The following CD226 variants were observed in gnomAD, a reference collection of about 807,000 sequenced individuals.
CD226 encodes the protein CD226 antigen.
In CD226, 24 loss-of-function variants were observed where a neutral mutation model predicts 34.9. The observed-to-expected ratio is 0.69, with a 90% CI of 0.50 to 0.97. CD226 has a LOEUF of 0.97. CD226 is among the 50% of genes least tolerant of loss of function. The pLI is 0.00. For synonymous variants in CD226, 148 were observed against 147.4 expected (o/e 1.00, Z -0.03); for missense variants, 397 against 412.7 (o/e 0.96, Z 0.33).
chr18:69,891,385 G>A (rs1254514179), intron 3 of CD226, among the ~76,000 whole-genome samples: 4 of 151,954 alleles, frequency 2.6e-5, no homozygotes, highest in African/African-American at 9.7e-5. Context: ...ATCATACCAA[G>A]TCATGTAAGA....
At chr18:69,889,427 C>G (rs759209700) in intron 3 of CD226, among the ~76,000 whole-genome samples, 1 of 151,624 alleles carries the variant, frequency 6.6e-6, no homozygotes, top group East Asian at 1.9e-4. Context: ...TGTCCACAAG[C>G]TTTATATCTA....
At chr18:69,922,464 C>A (rs955563658) in intron 2 of CD226, among the ~76,000 whole-genome samples, 1 of 152,024 alleles carries the variant, frequency 6.6e-6, no homozygotes, top group South Asian at 2.1e-4. Context: ...TATTTTCAAT[C>A]GAGCCACAGT....
At chr18:69,938,630 A>G (rs938628136) in intron 2 of CD226, among the ~76,000 whole-genome samples, 1 of 152,224 alleles carries the variant, frequency 6.6e-6, no homozygotes, top group Non-Finnish European at 1.5e-5. Context: ...CTTTTTCACT[A>G]AAATCATCAT....
chr18:69,958,729 TG>T (rs905424225), upstream of CD226, among the ~76,000 whole-genome samples: 8 of 151,360 alleles, frequency 5.3e-5, no homozygotes, highest in African/African-American at 2.0e-4. Flanking sequence ...TGATACAGGC[TG>T]GGGGGTTTTC....
At position 69,896,055 on chromosome 18, in the gene CD226, A is replaced by G. The variant is rs1288391434; in HGVS notation, c.383-10T>C. ...GCTGCCTCAAAACTATCTGAAAAGA[A>G]GAAGCAAATGATTAGATACAGGTTG... On this transcript the variant is annotated splice_polypyrimidine_tract_variant and intron_variant, in intron 2 of 5. Coordinates refer to ENST00000582621, the MANE Select transcript of CD226 (RefSeq NM_001303618.2). 1.3e-6 allele frequency: 2 copies of G among 1,599,724 alleles called. No individual in the cohort carries two copies. The highest frequency in any genetic ancestry group is 1.7e-6 in the Non-Finnish European group (2 of 1,175,262).
At chr18:69,934,283 C>CGGAT (rs1209071617) in intron 2 of CD226, among the ~76,000 whole-genome samples, 4 of 48,562 alleles carry the variant, frequency 8.2e-5, no homozygotes, top group African/African-American at 1.9e-4. Flanking sequence ...AGAGGATACA[C>CGGAT]ACACACACAC....
chr18:69,910,225 C>CCCAAAGACTAGTCCAAAGACTA (rs1325392881), intron 2 of CD226, among the ~76,000 whole-genome samples: 1 of 152,214 alleles, frequency 6.6e-6, no homozygotes, highest in Non-Finnish European at 1.5e-5. Flanking sequence ...TGGAGACTTG[C>CCCAAAGACTAGTCCAAAGACTA]GTCCAAAGAC....
At chr18:69,877,349 C>T (rs1478531432) in intron 3 of CD226, among the ~76,000 whole-genome samples, 1 of 152,160 alleles carries the variant, frequency 6.6e-6, no homozygotes, top group Non-Finnish European at 1.5e-5. Context: ...TGTAAAGGGG[C>T]ACAGAGTTCC....
Position 69,872,883 on chromosome 18 carries a change from G to C in CD226, c.830+261C>G, listed in dbSNP as rs150851488. Among the ~76,000 whole-genome samples, 668 of 152,210 alleles carry C rather than the reference G, an allele frequency of 4.4e-3. 9 individuals are homozygous for C. The highest frequency in any genetic ancestry group is 0.016 in the African/African-American group (644 of 41,510). On this transcript the variant is annotated intron_variant, in intron 4 of 5. Transcript: ENST00000582621. ...CCCCTCGCTGTCAGCTTTTTCCTTG[G>C]AGGAGGAAGACAGGGCAGGATAAAG...
intron 3 of CD226, among the ~76,000 whole-genome samples, chr18:69,885,869 T>C (rs961860901): frequency 1.6e-4 from 25 of 152,116 alleles, no homozygotes; most frequent in Non-Finnish European, 2.5e-4. Flanking sequence ...CCTCATAGCA[T>C]TGGCGTCAGC....
chr18:69,888,614 A>G (rs2145224880), intron 3 of CD226, among the ~76,000 whole-genome samples: 1 of 152,202 alleles, frequency 6.6e-6, no homozygotes, highest in South Asian at 2.1e-4. Flanking sequence ...CCTGACTTGT[A>G]GTCTAAGTTC....
At chr18:69,952,835 C>T (rs541942524), upstream of CD226, among the ~76,000 whole-genome samples, 61 of 152,218 alleles carry the variant, frequency 4.0e-4, 1 homozygote, top group African/African-American at 1.4e-3. Context: ...CAAATATTTG[C>T]AAATAATCTA....
chr18:69,902,873 C>T lies in CD226; in HGVS notation c.383-6828G>A, dbSNP rs371681980. 4.6e-5 allele frequency among the ~76,000 whole-genome samples: 7 copies of T among 152,098 alleles called. No homozygotes were observed. The South Asian group carries it at 6.2e-4, about 14-fold the overall frequency. The stretch of plus-strand genomic sequence containing the variant: ...GATAGTAGTAGCTCCAGTAGCTTCA[C>T]GTATTCCCAACTGTGCCTAGACTAT... On this transcript the variant is annotated intron_variant, in intron 2 of 5. Transcript: ENST00000582621.
intron 2 of CD226, among the ~76,000 whole-genome samples, chr18:69,902,268 C>A (rs561807863): frequency 1.3e-5 from 2 of 152,192 alleles, no homozygotes; most frequent in East Asian, 3.9e-4. Context: ...GACCTTTTGG[C>A]GCCATCCAGT....
chr18:69,864,289 T>C lies in CD226; in HGVS notation c.*25A>G, dbSNP rs751135209. The C allele has an allele frequency of 6.2e-6, 10 of 1,612,352 alleles. No individual in the cohort carries two copies. In the Admixed American group the frequency reaches 1.7e-4, roughly 27 times the overall value. On this transcript the variant is annotated 3_prime_UTR_variant, in exon 6 of 6. Coordinates refer to ENST00000582621, the MANE Select transcript of CD226 (RefSeq NM_001303618.2). ...TGCATGAGTACATAAGAGTCATTAC[T>C]AATGCACTCATGTCAAGAATAAGCT...
chr18:69,936,740 C>A (rs1256201233), intron 2 of CD226, among the ~76,000 whole-genome samples: 1 of 152,106 alleles, frequency 6.6e-6, no homozygotes, highest in African/African-American at 2.4e-5. Context: ...AATCAGTTGA[C>A]TTGGAATGAC....
chr18:69,921,881 T>A (rs934791403), intron 2 of CD226, among the ~76,000 whole-genome samples: 7 of 152,212 alleles, frequency 4.6e-5, no homozygotes, highest in Non-Finnish European at 1.0e-4. Flanking sequence ...TGGGTTTTTT[T>A]AATTTGAATT....
rs148241443 is a variant in CD226, at chr18:69,913,556, TA to T, written c.383-17512del. On this transcript the variant is annotated intron_variant, in intron 2 of 5. Transcript: ENST00000582621. ...TTATGCATTACATGTGAACATTATT[TA>T]AAAAAAATAGATCATCTTAGAGCAA... Among the ~76,000 whole-genome samples the T allele has an allele frequency of 7.9e-3, 1,197 of 152,156 alleles. 18 individuals are homozygous for T. The highest frequency in any genetic ancestry group is 0.027 in the African/African-American group (1,122 of 41,524).
chr18:69,884,143 G>A (rs561628866), intron 3 of CD226, among the ~76,000 whole-genome samples: 55 of 152,286 alleles, frequency 3.6e-4, no homozygotes, highest in African/African-American at 1.3e-3. Flanking sequence ...CTTGCAGGCA[G>A]GCCGTCCTAA....
Sources: gnomAD v4.1 joint callset for allele counts (sites outside exome capture counted in the v4.1 genomes callset) on GRCh38, gnomAD v4.1.1 for gene constraint, MANE v1.5 for transcripts, NCBI Gene and HGNC (gene_info 2026-07-23, HGNC 2026-07-21) for gene names.